DLGAP2: variants seen among roughly 807,000 people sequenced by gnomAD.
DLGAP2 encodes the protein DLG associated protein 2, also known as disks large-associated protein 2.
Under a neutral mutation model 100.3 loss-of-function variants are expected in DLGAP2, and 26 were observed. The observed-to-expected ratio is 0.26, with a 90% confidence interval of 0.19 to 0.36. The LOEUF (loss-of-function observed/expected upper bound fraction) is 0.36. Among genes scored for constraint, DLGAP2 ranks in the 10% least tolerant of loss-of-function variants. The probability of loss-of-function intolerance (pLI) is 1.00; values close to 1 mark genes in which losing one functional copy is unlikely to be tolerated. For missense variants in DLGAP2, 1,858 were observed against 1,453.2 expected (o/e 1.28, Z -4.53); for synonymous variants, 886 against 630.1 (o/e 1.41, Z -6.08).
intron 1 of DLGAP2, among the ~76,000 whole-genome samples, chr8:883,519 A>G (rs1264903884): frequency 2.0e-5 from 3 of 150,282 alleles, no homozygotes; most frequent in Non-Finnish European, 4.4e-5. Flanking sequence ...TTTCTTCTTA[A>G]AAAAAAAAAC....
At chr8:1,528,718 C>A (rs1800880253) in intron 4 of DLGAP2, among the ~76,000 whole-genome samples, 1 of 152,118 alleles carries the variant, frequency 6.6e-6, no homozygotes, top group Non-Finnish European at 1.5e-5. Context: ...CTGAAACAGG[C>A]CCTGGCAGTA....
rs115576448 is a variant in DLGAP2, at chr8:1,425,920, G to A, written c.107-75446G>A. ...AGGGAAGAAAGGAGACTGGGGAAAAGCAAAATAGCCAGGACCTGATGTAGG... is the reference window on the plus strand; with the variant it reads ...AGGGAAGAAAGGAGACTGGGGAAAAACAAAATAGCCAGGACCTGATGTAGG... On this transcript the variant is annotated intron_variant, in intron 3 of 14. Coordinates refer to ENST00000637795, the MANE Select transcript of DLGAP2 (RefSeq NM_001346810.2). 6.0e-4 allele frequency among the ~76,000 whole-genome samples: 92 copies of A among 152,328 alleles called. 2 individuals are homozygous for A. The highest frequency in any genetic ancestry group is 2.1e-3 in the African/African-American group (86 of 41,582).
At chr8:897,639 C>T (rs1249014638) in intron 1 of DLGAP2, among the ~76,000 whole-genome samples, 1 of 152,214 alleles carries the variant, frequency 6.6e-6, no homozygotes, top group African/African-American at 2.4e-5. Flanking sequence ...CCTGCATCTT[C>T]TGTTCCCTCT....
At chr8:1,682,116 A>G (rs1192083294) in intron 12 of DLGAP2, among the ~76,000 whole-genome samples, 6 of 152,138 alleles carry the variant, frequency 3.9e-5, no homozygotes, top group African/African-American at 1.4e-4. Context: ...GCTGTTTCAG[A>G]CAAGGGTGTG....
intron 13 of DLGAP2, among the ~76,000 whole-genome samples, chr8:1,693,857 C>T (rs747723758): frequency 6.6e-6 from 1 of 152,178 alleles, no homozygotes; most frequent in Non-Finnish European, 1.5e-5. Context: ...ATTCAGCTGC[C>T]ATGTCACCTG....
intron 2 of DLGAP2, among the ~76,000 whole-genome samples, chr8:1,009,975 C>T (rs1801228720): frequency 6.6e-6 from 1 of 152,240 alleles, no homozygotes; most frequent in Non-Finnish European, 1.5e-5. Flanking sequence ...GCTGCTAGCA[C>T]AACTTATCTT....
chr8:1,173,833 C>T (rs141047380), intron 2 of DLGAP2, among the ~76,000 whole-genome samples: 1 of 152,230 alleles, frequency 6.6e-6, no homozygotes, highest in African/African-American at 2.4e-5. Context: ...ATTGCGCTTC[C>T]TGAGTGAGGC....
intron 2 of DLGAP2, among the ~76,000 whole-genome samples, chr8:1,169,167 G>C (rs1327367369): frequency 1.3e-5 from 2 of 151,802 alleles, no homozygotes; most frequent in Non-Finnish European, 2.9e-5. Context: ...GTTTTTCTAA[G>C]GTTTGTCAAA....
intron 3 of DLGAP2, among the ~76,000 whole-genome samples, chr8:1,407,337 A>T (rs113075205): frequency 1.2e-3 from 58 of 49,702 alleles, no homozygotes; most frequent in Admixed American, 4.0e-3. Context: ...CTTGTCCTCC[A>T]GAGTCGTGTA....
At chr8:1,656,742 A>G (rs4259435) in intron 8 of DLGAP2, among the ~76,000 whole-genome samples, 49,221 of 152,014 alleles carry the variant, frequency 0.32, 8,220 homozygotes, top group East Asian at 0.48. Flanking sequence ...AAAACTTACT[A>G]TATGTGTGGC....
chr8:1,483,046 G>C (rs577079652), intron 3 of DLGAP2, among the ~76,000 whole-genome samples: 1 of 152,274 alleles, frequency 6.6e-6, no homozygotes, highest in South Asian at 2.1e-4. Context: ...GCTTGAGTGA[G>C]CCTCCGGCGC....
At chr8:1,258,586 C>G (rs1444438158) in intron 2 of DLGAP2, among the ~76,000 whole-genome samples, 6 of 149,838 alleles carry the variant, frequency 4.0e-5, no homozygotes, top group African/African-American at 1.5e-4. Flanking sequence ...TATCCCAGAA[C>G]TTAGTAAAAT....
At chr8:1,527,633 T>A (rs531284643) in intron 4 of DLGAP2, among the ~76,000 whole-genome samples, 56 of 152,340 alleles carry the variant, frequency 3.7e-4, no homozygotes, top group African/African-American at 1.3e-3. Flanking sequence ...TACGCTTCCT[T>A]TTATAACCTA....
At chr8:1,095,311 C>A (rs537614935) in intron 2 of DLGAP2, among the ~76,000 whole-genome samples, 1 of 152,184 alleles carries the variant, frequency 6.6e-6, no homozygotes, top group South Asian at 2.1e-4. Context: ...TCTGCAGAAC[C>A]GCTCTCTCCC....
At chr8:1,521,268 G>C (rs1461710732) in intron 4 of DLGAP2, among the ~76,000 whole-genome samples, 1 of 85,926 alleles carries the variant, frequency 1.2e-5, no homozygotes, top group African/African-American at 3.9e-5. Context: ...GAATACTTGG[G>C]GGCAGGTGAT....
intron 2 of DLGAP2, among the ~76,000 whole-genome samples, chr8:1,143,308 G>A (rs1293087351): frequency 2.0e-5 from 3 of 152,204 alleles, no homozygotes; most frequent in East Asian, 3.9e-4. Flanking sequence ...CAGGGTGTCT[G>A]TCTGAAATGG....
rs1165715467 is a variant in DLGAP2, at chr8:1,548,666, G to A, written c.213G>A (p.Glu71=). Residue 71 remains glutamate, a synonymous_variant, in exon 5 of 15, where the codon GAG becomes GAA. Transcript: ENST00000637795. ...GGTCGCCCACGCAGCACTTCAATGA[G>A]GAGCGCTACTCGCCCGCGCCCAGGA... ...YSWSPTQHFN[E]ERYSPAPRSM... The A allele has an allele frequency of 1.3e-6, 2 of 1,587,890 alleles. No individual in the cohort carries two copies. Among genetic ancestry groups the A allele is most frequent in the Non-Finnish European group, 1.7e-6 (2 of 1,168,866 alleles).
At chr8:1,503,399 C>G (rs1174077376) in intron 4 of DLGAP2, among the ~76,000 whole-genome samples, 2 of 152,084 alleles carry the variant, frequency 1.3e-5, no homozygotes, top group African/African-American at 2.4e-5. Flanking sequence ...TGTGACTGCT[C>G]ATTTCACATG....
chr8:759,169 T>C (rs1444129486), intron 1 of DLGAP2, among the ~76,000 whole-genome samples: 8 of 70,794 alleles, frequency 1.1e-4, no homozygotes, highest in Admixed American at 4.1e-4. Context: ...CCCACAGCCT[T>C]CCCGTTATCA....
Sources: gnomAD v4.1 joint callset for allele counts (sites outside exome capture counted in the v4.1 genomes callset) on GRCh38, gnomAD v4.1.1 for gene constraint, MANE v1.5 for transcripts, NCBI Gene and HGNC (gene_info 2026-07-23, HGNC 2026-07-21) for gene names.